TNFAIP8: variants seen among roughly 807,000 people sequenced by gnomAD.
TNFAIP8 encodes TNF alpha induced protein 8, also known as tumor necrosis factor alpha-induced protein 8.
A neutral mutation model predicts 13.3 loss-of-function variants in TNFAIP8; 7 were observed. The ratio of observed to expected loss-of-function variants is 0.52; its 90% CI spans 0.30 to 0.99. The LOEUF is 0.99. TNFAIP8 is among the 50% of genes least tolerant of loss of function. The probability of loss-of-function intolerance (pLI) is 0.07; values close to 1 mark genes in which losing one functional copy is unlikely to be tolerated. For missense variants in TNFAIP8, 258 were observed against 236.9 expected (o/e 1.09, Z -0.58); for synonymous variants, 94 against 87.6 (o/e 1.07, Z -0.41).
At chr5:119,368,859 TCCTTGACTCTTCTTTCATGATGGGAG>T (rs1215131764) in intron 1 of TNFAIP8, among the ~76,000 whole-genome samples, 5 of 152,230 alleles carry the variant, frequency 3.3e-5, no homozygotes, top group African/African-American at 1.2e-4. Flanking sequence ...GCTCTGGAGC[TCCTTGACTCTTCTTTCATGATGGGAG>T]CAGGCCTGAG....
intron 1 of TNFAIP8, among the ~76,000 whole-genome samples, chr5:119,278,352 G>A (rs1418903601): frequency 1.6e-5 from 2 of 123,208 alleles, no homozygotes; most frequent in Non-Finnish European, 3.3e-5. Context: ...ACAGGAAGGG[G>A]GAGAGAGAGA....
chr5:119,377,898 C>G (rs568930218), intron 1 of TNFAIP8, among the ~76,000 whole-genome samples: 3 of 152,060 alleles, frequency 2.0e-5, no homozygotes, highest in African/African-American at 7.2e-5. Context: ...ATTACCTACG[C>G]AAATGCCTAC....
At chr5:119,376,218 G>T (rs1408158916) in intron 1 of TNFAIP8, among the ~76,000 whole-genome samples, 1 of 151,894 alleles carries the variant, frequency 6.6e-6, no homozygotes, top group East Asian at 1.9e-4. Context: ...GGCTTCAAGA[G>T]ATTCTCCCAC....
intron 1 of TNFAIP8, among the ~76,000 whole-genome samples, chr5:119,299,969 A>T (rs1749311554): frequency 6.6e-6 from 1 of 152,324 alleles, no homozygotes; most frequent in East Asian, 1.9e-4. Context: ...GGAAAAGCGC[A>T]GTATTAGCGT....
At chr5:119,386,227 A>T (rs760754086) in intron 1 of TNFAIP8, among the ~76,000 whole-genome samples, 37 of 152,194 alleles carry the variant, frequency 2.4e-4, no homozygotes, top group Non-Finnish European at 5.4e-4. Flanking sequence ...ATAAATACAA[A>T]TTGCACATAT....
At chr5:119,301,957 G>A (rs183529079) in intron 1 of TNFAIP8, among the ~76,000 whole-genome samples, 1 of 152,306 alleles carries the variant, frequency 6.6e-6, no homozygotes. Flanking sequence ...TGAAACAGAT[G>A]TTCCTAAGAA....
At chr5:119,363,792 A>G (rs1182050126) in intron 1 of TNFAIP8, among the ~76,000 whole-genome samples, 3 of 152,226 alleles carry the variant, frequency 2.0e-5, no homozygotes, top group African/African-American at 7.2e-5. Flanking sequence ...TTAAGGGCTC[A>G]GTCCCACAAG....
At chr5:119,358,763 ATC>A (rs1259686193) in intron 1 of TNFAIP8, among the ~76,000 whole-genome samples, 1 of 152,144 alleles carries the variant, frequency 6.6e-6, no homozygotes, top group Non-Finnish European at 1.5e-5. Flanking sequence ...GGCAGTTGAG[ATC>A]TCTGAGAATC....
At chr5:119,345,291 A>G (rs1367788458) in intron 1 of TNFAIP8, among the ~76,000 whole-genome samples, 1 of 152,254 alleles carries the variant, frequency 6.6e-6, no homozygotes, top group African/African-American at 2.4e-5. Context: ...TTTAAAATAA[A>G]CAAGTATTAG....
In TNFAIP8 at chr5:119,381,941, A is replaced by G. The variant is rs187249562; in HGVS notation, c.32-10875A>G. On this transcript the variant is annotated intron_variant, in intron 1 of 1. Coordinates refer to ENST00000504771, the MANE Select transcript of TNFAIP8 (RefSeq NM_014350.4). ...CGTCTCAAAAAAAATAAAAAAAAACACCGAACAAAAAACGGAGTACCTTTG... is the reference window on the plus strand; with the variant it reads ...CGTCTCAAAAAAAATAAAAAAAAACGCCGAACAAAAAACGGAGTACCTTTG... Among the ~76,000 whole-genome samples the G allele has an allele frequency of 4.1e-4, 62 of 152,096 alleles. 1 individual carries two copies. The East Asian group carries it at 0.012, about 29-fold the overall frequency.
At chr5:119,286,511 A>C (rs1462829180) in intron 1 of TNFAIP8, among the ~76,000 whole-genome samples, 1 of 151,448 alleles carries the variant, frequency 6.6e-6, no homozygotes, top group Non-Finnish European at 1.5e-5. Context: ...AATTCCAGCT[A>C]CTCTGGAGGC....
chr5:119,333,954 C>T (rs1267075620), intron 1 of TNFAIP8, among the ~76,000 whole-genome samples: 1 of 152,094 alleles, frequency 6.6e-6, no homozygotes, highest in Non-Finnish European at 1.5e-5. Context: ...GATTGGATGG[C>T]TTTTTCACTC....
At chr5:119,298,877 C>T (rs1749268765) in intron 1 of TNFAIP8, among the ~76,000 whole-genome samples, 1 of 152,196 alleles carries the variant, frequency 6.6e-6, no homozygotes, top group South Asian at 2.1e-4. Context: ...TCACTGATAC[C>T]CTTTCTTCCA....
At chr5:119,325,801 C>A (rs1233381172) in intron 1 of TNFAIP8, among the ~76,000 whole-genome samples, 1 of 152,204 alleles carries the variant, frequency 6.6e-6, no homozygotes, top group East Asian at 1.9e-4. Flanking sequence ...TGTAGCCACA[C>A]CAGCCCCTGT....
intron 1 of TNFAIP8, among the ~76,000 whole-genome samples, chr5:119,290,332 C>A (rs182179429): frequency 2.2e-4 from 33 of 152,344 alleles, no homozygotes; most frequent in African/African-American, 7.5e-4. Flanking sequence ...CTGGCCAGGT[C>A]AACAGATATC....
chr5:119,332,345 CG>C (rs1661261591), intron 1 of TNFAIP8, among the ~76,000 whole-genome samples: 1 of 152,048 alleles, frequency 6.6e-6, no homozygotes, highest in Admixed American at 6.6e-5. Context: ...TCTCATCTTA[CG>C]GAAGTGCAAA....
intron 1 of TNFAIP8, among the ~76,000 whole-genome samples, chr5:119,281,306 A>ACACACACACACACACACACACTCTCT: frequency 0.013 from 1,441 of 114,218 alleles, 20 homozygotes; most frequent in Non-Finnish European, 0.018. Flanking sequence ...ACACACACAC[A>ACACACACACACACACACACACTCTCT]CTCTCTCTCT....
At chr5:119,317,983 C>T (rs1336735612) in intron 1 of TNFAIP8, among the ~76,000 whole-genome samples, 1 of 152,136 alleles carries the variant, frequency 6.6e-6, no homozygotes, top group African/African-American at 2.4e-5. Context: ...AGATCTTCGT[C>T]ATAAATAAGT....
In TNFAIP8 at chr5:119,356,121, G is replaced by C; in HGVS notation, c.31G>C (p.Val11Leu). ...CTCCGAAGCAGAAGAATCCAAGGAA[G>C]GTAGGATTCTGGTTTCTCCTGGGGG... MHSEAEESKE[V>L]ATDVFNSKNL... Residue 11 changes from valine to leucine, a missense_variant and splice_region_variant, in exon 1 of 2, where the codon GTG (valine) becomes CTG (leucine). Physicochemically the swap from Val to Leu is conservative, Grantham distance 32. Transcript: ENST00000504771. The C allele has an allele frequency of 6.3e-7, 1 of 1,584,348 alleles. No homozygotes were observed. Among genetic ancestry groups the C allele is most frequent in the Non-Finnish European group, 8.6e-7 (1 of 1,163,054 alleles).
Sources: gnomAD v4.1 joint callset for allele counts (sites outside exome capture counted in the v4.1 genomes callset) on GRCh38, gnomAD v4.1.1 for gene constraint, MANE v1.5 for transcripts, NCBI Gene and HGNC (gene_info 2026-07-23, HGNC 2026-07-21) for gene names.